NCL: variants seen among roughly 807,000 people sequenced by gnomAD.
NCL encodes the protein nucleolin multifunctional protein.
NCL carries 4 observed loss-of-function variants against 77.7 expected under a neutral mutation model. That is an observed-to-expected ratio of 0.05 (90% CI 0.03 to 0.12). The LOEUF (loss-of-function observed/expected upper bound fraction) is 0.12, where lower values mean the gene tolerates loss of function less well. Ranked by LOEUF, NCL falls within the 10% of genes least tolerant of loss-of-function variation. The pLI, the probability that NCL is intolerant of heterozygous loss-of-function variation, is 1.00. For synonymous variants in NCL, 344 were observed against 297.8 expected (o/e 1.16, Z -1.60); for missense variants, 763 against 860.9 (o/e 0.89, Z 1.42).
rs1559542525 is a variant in NCL at position 231,461,591 on chromosome 2, C to T, written c.562G>A (p.Asp188Asn). 3 of 1,611,412 alleles carry T rather than the reference C, an allele frequency of 1.9e-6. No homozygotes were observed. The highest frequency in any genetic ancestry group is 1.1e-5 in the South Asian group (1 of 91,026). Residue 188 changes from aspartate (D) to asparagine (N), a missense_variant, in exon 3 of 14, where the codon GAC (aspartate) becomes AAC (asparagine). Coordinates refer to ENST00000322723, the MANE Select transcript of NCL (RefSeq NM_005381.3). ...TCATCATCTTCGTCATCCTCATCGT[C>T]CTCATCCTCTGAGGCAGGGGCAGCA... is the stretch of plus-strand genomic sequence containing the variant. ...AAAAPASEDE[D>N]DEDDEDDEDD...
At chr2:231,459,323 A>G (rs1206317905) in intron 6 of NCL, among the ~76,000 whole-genome samples, 198 bp from the exon 7 acceptor site, 4 of 152,222 alleles carry the variant, frequency 2.6e-5, no homozygotes, top group Admixed American at 6.5e-5. Context: ...TGACATGCAC[A>G]TTCACGTTTG....
intron 1 of NCL, 48 bp from the exon 2 acceptor site, chr2:231,463,364 G>C: frequency 7.9e-7 from 1 of 1,260,976 alleles, no homozygotes; most frequent in South Asian, 1.2e-5. Flanking sequence ...CGACATTTCA[G>C]GCCATTCATA....
chr2:231,460,852 C>T lies in NCL; in HGVS notation c.628G>A (p.Ala210Thr). 1.9e-6 allele frequency: 3 copies of T among 1,613,916 alleles called. No homozygotes were observed. The highest frequency in any genetic ancestry group is 1.7e-6 in the Non-Finnish European group (2 of 1,179,908). The change falls in exon 4 of 14, where the codon GCT becomes ACT. Residue 210 changes from alanine (A) to threonine (T), a missense_variant. This residue lies in a region of NCL where 590 missense variants were observed against 570.5 expected (regional missense o/e 1.03). Transcript: ENST00000322723. ...DDEEDDSEEE[A>T]METTPAKGKK... ...CCTTTGGCTGGTGTAGTCTCCATAG[C>T]TTCTTCTTCAGAGTCTGAAAGAGAA...
chr2:231,461,542 T>A lies in NCL; in HGVS notation c.611A>T (p.Asp204Val). 3.1e-6 allele frequency: 5 copies of A among 1,613,368 alleles called. No individual in the cohort carries two copies. The highest frequency in any genetic ancestry group is 4.2e-6 in the Non-Finnish European group (5 of 1,179,546). The change falls in exon 3 of 14, where the codon GAT becomes GTT. Residue 204 changes from aspartate to valine, a missense_variant and splice_region_variant. By Grantham distance (152) the Asp-to-Val change is radical. Around this residue, in one of 2 missense-constraint regions of NCL, gnomAD observed 590 missense variants for 570.5 expected, o/e 1.03. Transcript: ENST00000322723. The part of the protein sequence containing the change: ...DDEDDDDDEE[D>V]DSEEEAMETT... Reference sequence around the variant, plus strand: ...TAACTACCAAGACAACTCCTTACCATCTTCCTCATCGTCATCGTCATCCTC... The same window carrying A: ...TAACTACCAAGACAACTCCTTACCAACTTCCTCATCGTCATCGTCATCCTC...
At chr2:231,458,650 G>C (rs1009121291) in intron 7 of NCL, 7 of 491,556 alleles carry the variant, frequency 1.4e-5, no homozygotes, top group Non-Finnish European at 2.1e-5. Context: ...CAAAAAAAGT[G>C]AATGTACCAA....
chr2:231,457,410 A>T (rs2046901845), intron 9 of NCL: 2 of 752,978 alleles, frequency 2.7e-6, no homozygotes, highest in Non-Finnish European at 4.7e-6. Flanking sequence ...ACATGCCTAC[A>T]AAGGAAGCTT....
intron 11 of NCL, 84 bp from the exon 12 acceptor site, chr2:231,456,220 C>A (rs2046886469): frequency 6.6e-7 from 1 of 1,524,268 alleles, no homozygotes; most frequent in African/African-American, 1.4e-5. Flanking sequence ...TGACTACTAG[C>A]CAAGAATACT....
chr2:231,460,709 A>ATCATCT lies in NCL; in HGVS notation c.770_771insAGATGA (p.Asp256_Asp257insGluAsp). The ATCATCT allele has an allele frequency of 1.2e-6, 2 of 1,608,158 alleles. No homozygotes were observed. Among genetic ancestry groups the ATCATCT allele is most frequent in the Non-Finnish European group, 8.5e-7 (1 of 1,176,928 alleles). The stretch of plus-strand genomic sequence containing the variant: ...CTTCCTCCTCCTCATCATCTTCATC[A>ATCATCT]TCATCATCTTCATCATCTTCGTCGT... On this transcript the variant is annotated inframe_insertion, in exon 4 of 14. Coordinates refer to ENST00000322723, the MANE Select transcript of NCL (RefSeq NM_005381.3).
intron 6 of NCL, among the ~76,000 whole-genome samples, 162 bp downstream of exon 6, chr2:231,459,990 A>T (rs971201175): frequency 2.0e-5 from 3 of 152,238 alleles, no homozygotes; most frequent in Non-Finnish European, 4.4e-5. Flanking sequence ...ATTGCAACTT[A>T]GGGGATCTAC....
rs763237568 is a variant in NCL at position 231,458,396 on chromosome 2, TA to T, written c.1166-8del. 6.2e-7 allele frequency: 1 copy of T among 1,608,518 alleles called. No homozygotes were observed. Among genetic ancestry groups the T allele is most frequent in the Non-Finnish European group, 8.5e-7 (1 of 1,178,562 alleles). ...AGTGTTCTCGCATCTCGCTCTAGAT[TA>T]AAAAAACAAAAATGAGCTCTGTGGC... On this transcript the variant is annotated splice_polypyrimidine_tract_variant and splice_region_variant and intron_variant, in intron 7 of 13. Transcript: ENST00000322723.
At chr2:231,464,239 C>T (rs1218697103) in intron 1 of NCL, 97 bp downstream of exon 1, 2 of 1,519,278 alleles carry the variant, frequency 1.3e-6, no homozygotes, top group Middle Eastern at 2.1e-4. Flanking sequence ...CCCTAGAACG[C>T]GCCCGGGACT....
Position 231,461,786 on chromosome 2 carries a change from C to A in NCL, c.367G>T (p.Gly123Cys), listed in dbSNP as rs759640648. 7 of 1,614,038 alleles carry A rather than the reference C, an allele frequency of 4.3e-6. No homozygotes were observed. The highest frequency in any genetic ancestry group is 3.3e-5 in the Admixed American group (2 of 59,996). Residue 123 changes from glycine (G) to cysteine (C), a missense_variant, in exon 3 of 14, where the codon GGT (glycine) becomes TGT (cysteine). By Grantham distance (159) the Gly-to-Cys change is radical. Around this residue, in one of 2 missense-constraint regions of NCL, gnomAD observed 590 missense variants for 570.5 expected, o/e 1.03. Transcript: ENST00000322723. ...GCTGGGATGGCAGCACCCTTCTTAC[C>A]AGGAGTTGCTACCAATGCTTTGCCT... ...TPGKALVATP[G>C]KKGAAIPAKG...
At chr2:231,462,111 T>C in intron 2 of NCL, 94 bp from the exon 3 acceptor site, 1 of 1,493,272 alleles carries the variant, frequency 6.7e-7, no homozygotes, top group South Asian at 1.1e-5. Flanking sequence ...TGGCAATGCC[T>C]CTGGTTCAAG....
chr2:231,460,093 CAG>C lies in NCL; in HGVS notation c.1040+57_1040+58del, dbSNP rs1191179347. On this transcript the variant is annotated intron_variant, in intron 6 of 13. Coordinates refer to ENST00000322723, the MANE Select transcript of NCL (RefSeq NM_005381.3). ...TAGCAGGCTAAAGTAACTGTGCTAA[CAG>C]GGGAAGGAAAAGCATTAACAGACCC... The C allele has an allele frequency of 6.7e-5, 103 of 1,535,000 alleles. 1 individual carries two copies. The highest frequency in any genetic ancestry group is 4.8e-4 in the Middle Eastern group (2 of 4,174).
In NCL at chr2:231,455,144, CAG is replaced by C. The variant is rs751454278; in HGVS notation, c.*45_*46del. 3 of 1,606,804 alleles carry C rather than the reference CAG, an allele frequency of 1.9e-6. No individual in the cohort carries two copies. Among genetic ancestry groups the C allele is most frequent in the African/African-American group, 1.3e-5 (1 of 74,744 alleles). ...ATTGATCAGGTAACAGTAAAAACCC[CAG>C]AGTCCTTTCTTTCAAATGGAAAAGG... is the stretch of plus-strand genomic sequence containing the variant. On this transcript the variant is annotated 3_prime_UTR_variant, in exon 14 of 14. Coordinates refer to ENST00000322723, the MANE Select transcript of NCL (RefSeq NM_005381.3).
rs1491235564 is a variant in NCL, at chr2:231,455,185, CAG to C, written c.*4_*5del. On this transcript the variant is annotated 3_prime_UTR_variant, in exon 14 of 14. Coordinates refer to ENST00000322723, the MANE Select transcript of NCL (RefSeq NM_005381.3). ...AAATGGAAAAGGGAAAGCAGAGGGA[CAG>C]AAGCTATTCAAACTTCGTCTTCTTT... The C allele has an allele frequency of 8.4e-4, 1,355 of 1,614,136 alleles. No individual in the cohort carries two copies. The highest frequency in any genetic ancestry group is 1.2e-3 in the Middle Eastern group (7 of 6,040).
intron 3 of NCL, among the ~76,000 whole-genome samples, chr2:231,461,076 C>T (rs574754202): frequency 6.6e-5 from 10 of 152,086 alleles, no homozygotes; most frequent in East Asian, 1.9e-4. Flanking sequence ...GTCAAAAGTT[C>T]GAGACCAGCC....
intron 8 of NCL, 40 bp downstream of exon 8, chr2:231,458,226 A>G: frequency 6.3e-7 from 1 of 1,589,628 alleles, no homozygotes; most frequent in African/African-American, 1.4e-5. Flanking sequence ...AAGTGCATTA[A>G]TGTTAATAAA....
Position 231,464,237 on chromosome 2 carries a change from C to T in NCL, c.18+99G>A, listed in dbSNP as rs1034450246. ...CTTCCCGCAGCATGGCGCCCTAGAA[C>T]GCGCCCGGGACTGCGCGCAGGCCCT... On this transcript the variant is annotated intron_variant, in intron 1 of 13. Coordinates refer to ENST00000322723, the MANE Select transcript of NCL (RefSeq NM_005381.3). The T allele has an allele frequency of 1.0e-5, 15 of 1,507,510 alleles. No homozygotes were observed. In the African/African-American group the frequency reaches 1.7e-4, roughly 17 times the overall value. 93.4% of individuals were successfully genotyped at this position (1,507,510 alleles called of 1,614,324 possible).
Sources: allele counts gnomAD v4.1 joint callset (sites outside exome capture counted in the v4.1 genomes callset), GRCh38; gene constraint gnomAD v4.1.1; regional missense constraint gnomAD v4.1.1; transcripts MANE v1.5; gene names NCBI Gene and HGNC (gene_info 2026-07-23, HGNC 2026-07-21).